C1QTNF6: variants seen among roughly 807,000 people sequenced by gnomAD.
The protein encoded by C1QTNF6 is C1q and TNF related 6.
A neutral mutation model predicts 20.7 loss-of-function variants in C1QTNF6; 17 were observed. The ratio of observed to expected loss-of-function variants is 0.82; its 90% confidence interval spans 0.56 to 1.23. C1QTNF6 has a LOEUF of 1.23. Ranked by LOEUF, C1QTNF6 falls within the 50% of genes most tolerant of loss-of-function variation. C1QTNF6 has a pLI of 0.00. For missense variants in C1QTNF6, 329 were observed against 389.7 expected (o/e 0.84, Z 1.31); for synonymous variants, 130 against 156.3 (o/e 0.83, Z 1.25).
At chr22:37,191,157 A>G (rs1382989158), upstream of C1QTNF6, among the ~76,000 whole-genome samples, 1 of 152,216 alleles carries the variant, frequency 6.6e-6, no homozygotes, top group Admixed American at 6.5e-5. Context: ...TAAAAGCAAG[A>G]CAACAATTGT....
chr22:37,190,424 G>C (rs538068515), upstream of C1QTNF6: 1 of 152,320 alleles, frequency 6.6e-6, no homozygotes, highest in South Asian at 2.1e-4. Flanking sequence ...GTATGAGTTA[G>C]ATAAATTCCT....
In C1QTNF6 at chr22:37,187,512, T is replaced by C. The variant is rs185438249; in HGVS notation, c.51+651A>G. Among the ~76,000 whole-genome samples, 13 of 148,720 alleles carry C rather than the reference T, an allele frequency of 8.7e-5. 1 individual carries two copies. The East Asian group carries it at 2.2e-3, about 25-fold the overall frequency. ...CTTACAAGGAAATGACACCACCCTT[T>C]CCCTCCCAGGTAATTTGGAAGGATT... On this transcript the variant is annotated intron_variant, in intron 1 of 2. Coordinates refer to ENST00000337843, the MANE Select transcript of C1QTNF6 (RefSeq NM_031910.4).
chr22:37,182,339 A>G lies in C1QTNF6; in HGVS notation c.686T>C (p.Met229Thr). 1 of 1,614,230 alleles carries G rather than the reference A, an allele frequency of 6.2e-7. No individual in the cohort carries two copies. Among genetic ancestry groups the G allele is most frequent in the Non-Finnish European group, 8.5e-7 (1 of 1,180,038 alleles). Residue 229 changes from methionine to threonine, a missense_variant, in exon 3 of 3, where the codon ATG becomes ACG. Transcript: ENST00000337843. ...LYAQPSERSI[M>T]QSQSVMLDLA... Reference sequence around the variant, plus strand: ...GTCCAGCATCACACTCTGGCTCTGCATGATGCTGCGCTCGCTGGGCTGCGC... The same window carrying G: ...GTCCAGCATCACACTCTGGCTCTGCGTGATGCTGCGCTCGCTGGGCTGCGC...
intron 1 of C1QTNF6, chr22:37,185,884 T>C: frequency 3.0e-6 from 3 of 987,496 alleles, no homozygotes; most frequent in Non-Finnish European, 3.6e-6. Context: ...CCTCTGGCAC[T>C]TTCTTGCCAC....
At chr22:37,185,165 T>G in intron 2 of C1QTNF6, 53 bp downstream of exon 2, 1 of 1,505,022 alleles carries the variant, frequency 6.6e-7, no homozygotes, top group Non-Finnish European at 8.9e-7. Context: ...TCCCTCCACC[T>G]CAGCTCCCTG....
intron 1 of C1QTNF6, among the ~76,000 whole-genome samples, chr22:37,186,411 GAGTT>G (rs1486025514): frequency 1.3e-5 from 2 of 152,220 alleles, no homozygotes; most frequent in Non-Finnish European, 1.5e-5. Context: ...TCTGTAGAGA[GAGTT>G]AGTTCATTGG....
upstream of C1QTNF6, among the ~76,000 whole-genome samples, chr22:37,192,190 G>A (rs1396316039): frequency 6.6e-6 from 1 of 152,122 alleles, no homozygotes; most frequent in Admixed American, 6.5e-5. Context: ...ACATTCCCAT[G>A]CTTTCTTATA....
chr22:37,187,847 G>T (rs1390477713), intron 1 of C1QTNF6, among the ~76,000 whole-genome samples: 1 of 152,136 alleles, frequency 6.6e-6, no homozygotes, highest in East Asian at 1.9e-4. Context: ...AAGTCATAGG[G>T]AGGACTTTTG....
upstream of C1QTNF6, among the ~76,000 whole-genome samples, chr22:37,192,200 A>C (rs947798935): frequency 6.6e-5 from 10 of 152,232 alleles, no homozygotes; most frequent in African/African-American, 2.4e-4. Context: ...GCTTTCTTAT[A>C]ATCTTCTTAC....
chr22:37,199,340 CGGGCCCGAGGGACGA>C (rs1395636530), upstream of C1QTNF6: 1 of 152,342 alleles, frequency 6.6e-6, no homozygotes, highest in Admixed American at 6.5e-5. Context: ...GACAGCGCCA[CGGGCCCGAGGGACGA>C]GGACCTGCCT....
At chr22:37,188,809 C>G (rs1924611949), upstream of C1QTNF6, among the ~76,000 whole-genome samples, 1 of 152,232 alleles carries the variant, frequency 6.6e-6, no homozygotes, top group Admixed American at 6.5e-5. Context: ...GGTGAATGAC[C>G]AGGCTGACCT....
intron 1 of C1QTNF6, chr22:37,186,195 G>A: frequency 3.1e-6 from 3 of 958,552 alleles, no homozygotes; most frequent in Non-Finnish European, 3.7e-6. Flanking sequence ...GCAGCCCATT[G>A]CTAGTCTTTA....
At chr22:37,195,003 C>G (rs1925058779) in intron 2 of C1QTNF6, among the ~76,000 whole-genome samples, 1 of 152,230 alleles carries the variant, frequency 6.6e-6, no homozygotes, top group African/African-American at 2.4e-5. Context: ...TTGTCAGTAG[C>G]AAAGGTATCT....
upstream of C1QTNF6, chr22:37,190,638 G>T (rs1924757545): frequency 6.6e-6 from 1 of 151,038 alleles, no homozygotes; most frequent in Non-Finnish European, 1.5e-5. Flanking sequence ...TGCCACTCGA[G>T]TCAAACCCTT....
At chr22:37,195,988 C>A (rs1925111345) in intron 1 of C1QTNF6, 1 of 152,154 alleles carries the variant, frequency 6.6e-6, no homozygotes. Flanking sequence ...CCTGCCGACT[C>A]CCATCTCATC....
intron 1 of C1QTNF6, among the ~76,000 whole-genome samples, chr22:37,187,615 C>T (rs1266529035): frequency 1.3e-5 from 2 of 151,772 alleles, no homozygotes; most frequent in African/African-American, 4.8e-5. Context: ...TTCCCTGTGC[C>T]TGCATGGGAT....
chr22:37,188,281 AGAG>A (rs1211412973), upstream of C1QTNF6: 4 of 1,228,252 alleles, frequency 3.3e-6, no homozygotes, highest in Non-Finnish European at 4.4e-6. Context: ...CAGGCCCAGC[AGAG>A]GAGGGAGAGA....
chr22:37,184,490 C>A lies in C1QTNF6; in HGVS notation c.289+728G>T, dbSNP rs981152087. ...CACCTGGACGGCCCTCACCTGGATGCCTTTCACCTGGACGGGCCCTCACCT... is the reference window on the plus strand; with the variant it reads ...CACCTGGACGGCCCTCACCTGGATGACTTTCACCTGGACGGGCCCTCACCT... On this transcript the variant is annotated intron_variant, in intron 2 of 2. Coordinates refer to ENST00000337843, the MANE Select transcript of C1QTNF6 (RefSeq NM_031910.4). The surrounding 1 kb of genome is among the most constrained non-coding windows in gnomAD (Gnocchi z 4.0). 1.5e-6 allele frequency: 1 copy of A among 685,658 alleles called. No homozygotes were observed. Among genetic ancestry groups the A allele is most frequent in the Non-Finnish European group, 2.7e-6 (1 of 370,258 alleles). 42.5% of individuals were successfully genotyped at this position (685,658 alleles called of 1,614,324 possible).
At chr22:37,198,691 TCCCCGGCCCCC>T (rs904926255), upstream of C1QTNF6, among the ~76,000 whole-genome samples, 3 of 149,790 alleles carry the variant, frequency 2.0e-5, no homozygotes, top group African/African-American at 7.6e-5. Flanking sequence ...CGCTCCCCGG[TCCCCGGCCCCC>T]GCCCGTCCCA....
Sources: gnomAD v4.1 joint callset for allele counts (sites outside exome capture counted in the v4.1 genomes callset) on GRCh38, gnomAD v4.1.1 for gene constraint, Gnocchi (gnomAD v3.1) non-coding constraint, MANE v1.5 for transcripts, NCBI Gene and HGNC (gene_info 2026-07-23, HGNC 2026-07-21) for gene names.